The following CUX2 variants were observed in gnomAD, a reference collection of about 807,000 sequenced individuals.
CUX2 encodes the protein homeobox protein cut-like 2.
CUX2 carries 40 observed loss-of-function variants against 144.8 expected under a neutral mutation model. The observed-to-expected ratio is 0.28, with a 90% CI of 0.21 to 0.36. CUX2 has a LOEUF of 0.36. CUX2 is among the 10% of genes least tolerant of loss of function. CUX2 has a pLI of 1.00. For missense variants in CUX2, 1,615 were observed against 1,994.0 expected, an observed-to-expected ratio of 0.81 and a Z score of 3.62; for synonymous variants, 827 against 875.6, an observed-to-expected ratio of 0.94 and a Z score of 0.98.
chr12:111,196,775 C>T (rs183468222), intron 1 of CUX2, among the ~76,000 whole-genome samples: 14 of 152,230 alleles, frequency 9.2e-5, no homozygotes, highest in African/African-American at 3.1e-4. Context: ...TTTAAATTAA[C>T]GTAGAAGTAC....
chr12:111,260,022 G>T (rs1884032108), intron 3 of CUX2, among the ~76,000 whole-genome samples: 1 of 151,470 alleles, frequency 6.6e-6, no homozygotes, highest in African/African-American at 2.4e-5. Flanking sequence ...AATTAGCCAG[G>T]CGTGGTGGTG....
intron 3 of CUX2, among the ~76,000 whole-genome samples, chr12:111,248,376 G>T (rs1883384338): frequency 6.6e-6 from 1 of 152,154 alleles, no homozygotes; most frequent in Non-Finnish European, 1.5e-5. Flanking sequence ...ACCGCAAATG[G>T]CCTTTTTCTC....
chr12:111,265,077 T>C (rs1251340780), intron 4 of CUX2, among the ~76,000 whole-genome samples: 1 of 152,094 alleles, frequency 6.6e-6, no homozygotes, highest in African/African-American at 2.4e-5. Flanking sequence ...TTTTCTGTTG[T>C]ATGAATTTCA....
chr12:111,165,506 G>A (rs755772808), intron 1 of CUX2, among the ~76,000 whole-genome samples: 14 of 152,236 alleles, frequency 9.2e-5, no homozygotes, highest in Non-Finnish European at 2.1e-4. Flanking sequence ...CACGTGCAGA[G>A]AACATGAACT....
At chr12:111,066,199 C>T (rs1357135607) in intron 1 of CUX2, among the ~76,000 whole-genome samples, 1 of 152,186 alleles carries the variant, frequency 6.6e-6, no homozygotes, top group African/African-American at 2.4e-5. Context: ...ACTTAGCAGT[C>T]TGAGTGAGTT....
chr12:111,221,179 A>G lies in CUX2; in HGVS notation c.222+3242A>G, dbSNP rs535337623. 2.0e-5 allele frequency among the ~76,000 whole-genome samples: 3 copies of G among 152,314 alleles called. No homozygotes were observed. In the South Asian group the frequency reaches 6.2e-4, roughly 32 times the overall value. On this transcript the variant is annotated intron_variant, in intron 3 of 21. Coordinates refer to ENST00000261726, the MANE Select transcript of CUX2 (RefSeq NM_015267.4). The stretch of plus-strand genomic sequence containing the variant: ...GTTAATTTTCTTAAGAGGGCTTTCC[A>G]TCGTCCCTTTAATGTACCAAGAAGA...
In CUX2 at chr12:111,322,426, G is replaced by T; in HGVS notation, c.2772G>T (p.Leu924=). The change falls in exon 18 of 22, where the codon CTG becomes CTT. Residue 924 remains leucine, a synonymous_variant. Transcript: ENST00000261726. This position sits in a 1 kb window ranked among gnomAD's most constrained non-coding sequence, Gnocchi z 4.2. ...CCCTGGCCCGCCCCTCGCAGGTGCT[G>T]GGCCTGTCACAGGGCAGCGTGAGCG... The part of the protein sequence containing the change: ...ICQRIFGEKV[L]GLSQGSVSDM... The T allele has an allele frequency of 1.3e-6, 2 of 1,559,798 alleles. No homozygotes were observed. The highest frequency in any genetic ancestry group is 1.7e-6 in the Non-Finnish European group (2 of 1,153,142).
intron 1 of CUX2, among the ~76,000 whole-genome samples, chr12:111,132,317 C>T (rs1266151401): frequency 6.6e-6 from 1 of 152,154 alleles, no homozygotes; most frequent in Non-Finnish European, 1.5e-5. Context: ...GGACCCTGGA[C>T]CCAGCCCATG....
chr12:111,060,623 G>C (rs1045599305), intron 1 of CUX2, among the ~76,000 whole-genome samples: 1 of 152,232 alleles, frequency 6.6e-6, no homozygotes, highest in African/African-American at 2.4e-5. Flanking sequence ...GGGAAGCAGG[G>C]ATCTCACTCC....
intron 1 of CUX2, among the ~76,000 whole-genome samples, chr12:111,067,623 T>G (rs1051478040): frequency 2.6e-5 from 4 of 152,222 alleles, no homozygotes; most frequent in African/African-American, 9.7e-5. Context: ...CATGGAAGGT[T>G]CCGGGAACTC....
rs531419769 is a variant in CUX2 at position 111,350,392 on chromosome 12, G to A, written c.*2067G>A. Reference sequence around the variant, plus strand: ...AAATCCTGTTGTACTTAAAGCTAGCGGACCCGTGAACAACTTTGTCAGGTT... The same window carrying A: ...AAATCCTGTTGTACTTAAAGCTAGCAGACCCGTGAACAACTTTGTCAGGTT... On this transcript the variant is annotated 3_prime_UTR_variant, in exon 22 of 22. Coordinates refer to ENST00000261726, the MANE Select transcript of CUX2 (RefSeq NM_015267.4). 3.9e-5 allele frequency: 6 copies of A among 152,458 alleles called. No homozygotes were observed. The South Asian group carries it at 1.2e-3, about 32-fold the overall frequency. 9.4% of individuals were successfully genotyped at this position (152,458 alleles called of 1,614,324 possible).
intron 1 of CUX2, among the ~76,000 whole-genome samples, chr12:111,115,447 G>T (rs1043176844): frequency 6.6e-6 from 1 of 151,728 alleles, no homozygotes; most frequent in Non-Finnish European, 1.5e-5. Context: ...CACCATGCCC[G>T]GCTAATTTTC....
chr12:111,260,336 C>T (rs1327163461), intron 3 of CUX2, among the ~76,000 whole-genome samples: 3 of 151,664 alleles, frequency 2.0e-5, no homozygotes, highest in Non-Finnish European at 4.4e-5. Context: ...TGGTGGCGGG[C>T]GCCTGTAATC....
At chr12:111,205,173 C>G (rs1880843631) in intron 1 of CUX2, among the ~76,000 whole-genome samples, 2 of 152,132 alleles carry the variant, frequency 1.3e-5, no homozygotes, top group South Asian at 4.2e-4. Context: ...TCACTTATGG[C>G]AGGCCGGCGG....
At chr12:111,192,068 T>A (rs962040738) in intron 1 of CUX2, among the ~76,000 whole-genome samples, 1 of 152,224 alleles carries the variant, frequency 6.6e-6, no homozygotes, top group Admixed American at 6.5e-5. Context: ...GGCCCACGCA[T>A]GCAAAGCCCC....
chr12:111,345,596 G>C (rs1888764149), intron 21 of CUX2, among the ~76,000 whole-genome samples: 1 of 151,386 alleles, frequency 6.6e-6, no homozygotes, highest in Non-Finnish European at 1.5e-5. Context: ...CAAAAAATTA[G>C]CCAGGCGTGG....
At chr12:111,208,910 G>A (rs1174190531) in intron 1 of CUX2, among the ~76,000 whole-genome samples, 1 of 152,096 alleles carries the variant, frequency 6.6e-6, no homozygotes, top group African/African-American at 2.4e-5. Flanking sequence ...GCTACCATCT[G>A]TTTATGGTAC....
intron 3 of CUX2, among the ~76,000 whole-genome samples, chr12:111,220,742 GC>G (rs1881801789): frequency 7.8e-5 from 3 of 38,662 alleles, no homozygotes; most frequent in African/African-American, 1.3e-4. Context: ...CCTCATCTCT[GC>G]AAAAAAAAAA....
chr12:111,170,032 A>G (rs1878419368), intron 1 of CUX2, among the ~76,000 whole-genome samples: 1 of 152,218 alleles, frequency 6.6e-6, no homozygotes, highest in South Asian at 2.1e-4. Context: ...ACTAGGGGGA[A>G]GAATTTAAGG....
Sources: allele counts gnomAD v4.1 joint callset (sites outside exome capture counted in the v4.1 genomes callset), GRCh38; gene constraint gnomAD v4.1.1; non-coding constraint Gnocchi (gnomAD v3.1); transcripts MANE v1.5; gene names NCBI Gene and HGNC (gene_info 2026-07-23, HGNC 2026-07-21).